ZNF469: variants seen among roughly 807,000 people sequenced by gnomAD.
ZNF469 encodes zinc finger protein 469.
In ZNF469, 1 loss-of-function variant was observed where a neutral mutation model predicts 1.0. The ratio of observed to expected loss-of-function variants is 1.00; its 90% CI spans 0.35 to 4.73. ZNF469 has a LOEUF of 4.73. ZNF469 is among the 30% of genes most tolerant of loss of function. The pLI, the probability that ZNF469 is intolerant of heterozygous loss-of-function variation, is 0.16. For missense variants in ZNF469, 6,100 were observed against 5,356.3 expected (o/e 1.14, Z -4.33); for synonymous variants, 2,703 against 2,363.4 (o/e 1.14, Z -4.17).
chr16:88,380,329 A>G (rs867534872), upstream of ZNF469, among the ~76,000 whole-genome samples: 19 of 125,688 alleles, frequency 1.5e-4, 1 homozygote, highest in East Asian at 4.9e-4. Flanking sequence ...TCACACATGC[A>G]CTCACACATG....
At chr16:88,245,793 C>G in the ZNF469 span, among the ~76,000 whole-genome samples, 3 of 152,270 alleles carry the variant, frequency 2.0e-5, no homozygotes, top group Non-Finnish European at 4.4e-5. Context: ...CTCCATGCAG[C>G]CACCAGACAC....
chr16:88,409,921 G>T (rs930855478), intron 1 of ZNF469, among the ~76,000 whole-genome samples: 4 of 151,790 alleles, frequency 2.6e-5, no homozygotes, highest in Non-Finnish European at 5.9e-5. Context: ...GGGCGGGCCT[G>T]GTGCAGGTCT....
chr16:88,256,308 G>A, the ZNF469 span, among the ~76,000 whole-genome samples: 6 of 152,290 alleles, frequency 3.9e-5, no homozygotes, highest in African/African-American at 9.6e-5. Context: ...CACACACTAC[G>A]TAGCTTTTTA....
At chr16:88,174,032 T>C in the ZNF469 span, among the ~76,000 whole-genome samples, 1 of 151,932 alleles carries the variant, frequency 6.6e-6, no homozygotes, top group Non-Finnish European at 1.5e-5. Flanking sequence ...TTATCTAACC[T>C]CCAAATTATG....
chr16:88,322,054 G>A, the ZNF469 span, among the ~76,000 whole-genome samples: 1 of 152,240 alleles, frequency 6.6e-6, no homozygotes, highest in Admixed American at 6.5e-5. Flanking sequence ...CCTCACTATT[G>A]GAAATGGTCC....
chr16:88,162,677 C>CT, the ZNF469 span, among the ~76,000 whole-genome samples: 7 of 151,162 alleles, frequency 4.6e-5, no homozygotes, highest in East Asian at 1.9e-4. Flanking sequence ...AGTGCCCCCC[C>CT]CCTTTTATTC....
the ZNF469 span, among the ~76,000 whole-genome samples, chr16:88,181,535 G>T: frequency 6.6e-5 from 10 of 152,010 alleles, no homozygotes; most frequent in African/African-American, 2.4e-4. Context: ...CAAATATTTG[G>T]AAGTTAAAGA....
intron 1 of ZNF469, among the ~76,000 whole-genome samples, chr16:88,390,970 G>A (rs992521047): frequency 6.6e-6 from 1 of 152,242 alleles, no homozygotes. Flanking sequence ...GACCCAGGCA[G>A]CTGCCCACAC....
Position 88,429,401 on chromosome 16 carries a change from C to G in ZNF469, c.1931C>G (p.Thr644Arg), listed in dbSNP as rs1359055760. The G allele has an allele frequency of 1.2e-5, 18 of 1,548,130 alleles. No homozygotes were observed. The highest frequency in any genetic ancestry group is 1.7e-4 in the Middle Eastern group (1 of 6,010). Residue 644 changes from threonine (T) to arginine (R), a missense_variant, in exon 3 of 3, where the codon ACG (threonine) becomes AGG (arginine). By Grantham distance (71) the Thr-to-Arg change is moderately conservative. Coordinates refer to ENST00000565624, the MANE Select transcript of ZNF469 (RefSeq NM_001367624.2). The part of the protein sequence containing the change: ...FFHPPTHPQE[T>R]GSPFPSPEPP... ...CACCCACCCACTCACCCCCAGGAGA[C>G]GGGCAGCCCCTTCCCGTCCCCGGAG...
At chr16:88,262,531 C>T in the ZNF469 span, among the ~76,000 whole-genome samples, 3 of 152,164 alleles carry the variant, frequency 2.0e-5, no homozygotes, top group African/African-American at 7.2e-5. The surrounding 1 kb of genome is among the most constrained non-coding windows in gnomAD (Gnocchi z 4.3). Flanking sequence ...ATGGGGCTGT[C>T]TAGGGCTCTG....
the ZNF469 span, among the ~76,000 whole-genome samples, chr16:88,170,230 C>G: frequency 1.5e-4 from 23 of 152,130 alleles, no homozygotes; most frequent in Non-Finnish European, 3.1e-4. This position sits in a 1 kb window ranked among gnomAD's most constrained non-coding sequence, Gnocchi z 4.2. Flanking sequence ...TATACACTGC[C>G]GAATGATTAC....
the ZNF469 span, among the ~76,000 whole-genome samples, chr16:88,219,946 C>T: frequency 2.6e-5 from 4 of 152,206 alleles, no homozygotes; most frequent in South Asian, 4.1e-4. Flanking sequence ...GCACCTGAGA[C>T]ATTGCTCCCC....
At chr16:88,158,651 G>A in the ZNF469 span, among the ~76,000 whole-genome samples, 1 of 152,228 alleles carries the variant, frequency 6.6e-6, no homozygotes, top group Non-Finnish European at 1.5e-5. Flanking sequence ...GAAAACGGAG[G>A]GGAAGAGATG....
chr16:88,435,036 G>T lies in ZNF469; in HGVS notation c.7566G>T (p.Lys2522Asn). The change falls in exon 3 of 3, where the codon AAG becomes AAT. Residue 2522 changes from lysine to asparagine, a missense_variant. By Grantham distance (94) the Lys-to-Asn change is moderately conservative. Transcript: ENST00000565624. The part of the protein sequence containing the change: ...AQQPLEPLAQ[K>N]CQPPRKKSHR... ...AGCCTCTAGAGCCCCTAGCCCAAAAGTGCCAGCCGCCCAGGAAGAAAAGCC... is the reference window on the plus strand; with the variant it reads ...AGCCTCTAGAGCCCCTAGCCCAAAATTGCCAGCCGCCCAGGAAGAAAAGCC... 1 of 1,550,390 alleles carries T rather than the reference G, an allele frequency of 6.4e-7. No individual in the cohort carries two copies. Among genetic ancestry groups the T allele is most frequent in the African/African-American group, 1.4e-5 (1 of 73,184 alleles).
chr16:88,430,550 G>A lies in ZNF469; in HGVS notation c.3080G>A (p.Arg1027His). ...CCCGAGGAGACCCGCAGCTCCCGGC[G>A]CCGCCGGCTGCCCCCCAGGAAGGAC... ...ALPEETRSSR[R>H]RRLPPRKDPR... The change falls in exon 3 of 3, where the codon CGC becomes CAC. Residue 1027 changes from arginine (R) to histidine (H), a missense_variant. Coordinates refer to ENST00000565624, the MANE Select transcript of ZNF469 (RefSeq NM_001367624.2). 4 of 1,469,166 alleles carry A rather than the reference G, an allele frequency of 2.7e-6. No homozygotes were observed. The highest frequency in any genetic ancestry group is 2.6e-5 in the South Asian group (2 of 75,680). The allele number at this position is 1,469,166 out of a possible 1,614,324, so 91.0% of individuals were successfully genotyped here. A position where few individuals can be genotyped will look rare whatever the true frequency, so the allele number is the denominator to read the frequency against.
the ZNF469 span, among the ~76,000 whole-genome samples, chr16:88,101,159 G>A: frequency 6.6e-6 from 1 of 152,242 alleles, no homozygotes; most frequent in Non-Finnish European, 1.5e-5. Flanking sequence ...CGATGCGATT[G>A]GGCCATCCGG....
At chr16:88,186,826 A>G in the ZNF469 span, among the ~76,000 whole-genome samples, 1 of 151,656 alleles carries the variant, frequency 6.6e-6, no homozygotes, top group Non-Finnish European at 1.5e-5. Context: ...GGGCGGGGGG[A>G]TGCGGTCAGC....
the ZNF469 span, among the ~76,000 whole-genome samples, chr16:88,293,309 G>T: frequency 7.0e-6 from 1 of 143,086 alleles, no homozygotes; most frequent in African/African-American, 2.7e-5. Context: ...TGGATGGATG[G>T]GTAATTGGAT....
At chr16:88,193,232 G>T in the ZNF469 span, among the ~76,000 whole-genome samples, 71 of 25,364 alleles carry the variant, frequency 2.8e-3, no homozygotes, top group Middle Eastern at 0.036. Flanking sequence ...GTGGTGGTGG[G>T]GATGGTGGTG....
Sources: allele counts gnomAD v4.1 joint callset (sites outside exome capture counted in the v4.1 genomes callset), GRCh38; gene constraint gnomAD v4.1.1; non-coding constraint Gnocchi (gnomAD v3.1); transcripts MANE v1.5; gene names NCBI Gene and HGNC (gene_info 2026-07-23, HGNC 2026-07-21).